WTAP: variants seen among roughly 807,000 people sequenced by gnomAD.
The protein encoded by WTAP is WT1 associated protein, also known as pre-mRNA-splicing regulator WTAP.
WTAP carries 8 observed loss-of-function variants against 50.0 expected under a neutral mutation model. That is an observed-to-expected ratio of 0.16 (90% CI 0.09 to 0.29). The LOEUF (loss-of-function observed/expected upper bound fraction) is 0.29. Among genes scored for constraint, WTAP ranks in the 10% least tolerant of loss-of-function variants. WTAP has a pLI of 1.00. For synonymous variants in WTAP, 194 were observed against 169.0 expected (o/e 1.15, Z -1.15); for missense variants, 295 against 470.7 (o/e 0.63, Z 3.45).
intron 4 of WTAP, 70 bp from the exon 5 acceptor site, chr6:159,743,595 A>G: frequency 2.8e-6 from 4 of 1,421,900 alleles, no homozygotes; most frequent in East Asian, 2.4e-5. Flanking sequence ...CCTAGTTCTT[A>G]TTGTTCTTGA....
intron 5 of WTAP, among the ~76,000 whole-genome samples, chr6:159,744,897 C>A (rs531318798): frequency 1.8e-4 from 28 of 152,314 alleles, no homozygotes; most frequent in Non-Finnish European, 2.9e-4. Context: ...CCAGGCTGGT[C>A]TTGAACTGCT....
At chr6:159,741,904 T>C in intron 3 of WTAP, 184 bp from the exon 4 acceptor site, 1 of 483,944 alleles carries the variant, frequency 2.1e-6, no homozygotes. Flanking sequence ...AGACCCTGTT[T>C]GCGCCACGCT....
chr6:159,741,340 T>C (rs1284655159), intron 3 of WTAP, among the ~76,000 whole-genome samples: 1 of 152,244 alleles, frequency 6.6e-6, no homozygotes, highest in African/African-American at 2.4e-5. Context: ...AAAAATGTTA[T>C]ATTCTCCCCC....
chr6:159,732,812 C>T (rs144125200), intron 1 of WTAP, among the ~76,000 whole-genome samples: 4 of 151,456 alleles, frequency 2.6e-5, no homozygotes, highest in East Asian at 1.9e-4. Flanking sequence ...CAACAGAGAC[C>T]GGGCGCAGGG....
chr6:159,755,765 CTTTTTTT>C lies in WTAP; in HGVS notation c.*173_*179del. On this transcript the variant is annotated 3_prime_UTR_variant, in exon 8 of 8. Transcript: ENST00000621533. The stretch of plus-strand genomic sequence containing the variant: ...TTTTTCTTTGTTTTTTTTTTCTTTT[CTTTTTTT>C]TTTTTTTTTTTTTTTTTTGCTTCAA... 423 of 173,276 alleles carry C rather than the reference CTTTTTTT, an allele frequency of 2.4e-3. 1 individual carries two copies. The highest frequency in any genetic ancestry group is 0.02 in the African/African-American group (231 of 11,434). The allele number at this position is 173,276 out of a possible 1,614,324, so 10.7% of individuals were successfully genotyped here.
At position 159,737,574 on chromosome 6, in the gene WTAP, G is replaced by A. The variant is rs150836030; in HGVS notation, c.30+1279G>A. 5.2e-3 allele frequency among the ~76,000 whole-genome samples: 785 copies of A among 151,958 alleles called. 5 individuals are homozygous for A. Among genetic ancestry groups the A allele is most frequent in the African/African-American group, 0.018 (743 of 41,422 alleles). The stretch of plus-strand genomic sequence containing the variant: ...AGTGGTACAATCTTGGCTCATTGTG[G>A]CCTCATACCCCAGCTTATGCGATCC... On this transcript the variant is annotated intron_variant, in intron 2 of 7. Transcript: ENST00000621533.
At chr6:159,736,399 C>T in intron 2 of WTAP, 104 bp downstream of exon 2, 1 of 929,942 alleles carries the variant, frequency 1.1e-6, no homozygotes, top group African/African-American at 1.7e-5. Context: ...TCGTTGTTTG[C>T]TTATTTTTCA....
Position 159,755,259 on chromosome 6 carries a change from G to A in WTAP, c.839G>A (p.Gly280Asp). ...CGTCTGACAAACGGACCAAGTAATG[G>A]TAGCTCCTCCCGCCAGAGGACGTCT... ...CSRLTNGPSN[G>D]SSSRQRTSGS... The change falls in exon 8 of 8, where the codon GGT (glycine) becomes GAT (aspartate). Residue 280 changes from glycine to aspartate, a missense_variant. Around this residue, in one of 2 missense-constraint regions of WTAP, gnomAD observed 175 missense variants for 183.1 expected, o/e 0.96. Coordinates refer to ENST00000621533, the MANE Select transcript of WTAP (RefSeq NM_001270531.2). The A allele has an allele frequency of 6.2e-7, 1 of 1,614,196 alleles. No individual in the cohort carries two copies. Among genetic ancestry groups the A allele is most frequent in the East Asian group, 2.2e-5 (1 of 44,890 alleles).
In WTAP at chr6:159,736,248, T is replaced by A. The variant is rs2114896772; in HGVS notation, c.-8-10T>A. ...AAATTGAACTTGTTTTCCGCAACTT[T>A]TTTTTTTAGGATTCAAGATGACCAA... On this transcript the variant is annotated splice_polypyrimidine_tract_variant and intron_variant, in intron 1 of 7. Transcript: ENST00000621533. 6.3e-7 allele frequency: 1 copy of A among 1,597,226 alleles called. No homozygotes were observed. Among genetic ancestry groups the A allele is most frequent in the East Asian group, 2.2e-5 (1 of 44,682 alleles).
At chr6:159,740,145 A>G (rs1235983172) in intron 3 of WTAP, among the ~76,000 whole-genome samples, 1 of 151,460 alleles carries the variant, frequency 6.6e-6, no homozygotes, top group Non-Finnish European at 1.5e-5. Context: ...ATGCCTGGCC[A>G]TGATTTTTTT....
chr6:159,732,633 G>A (rs1433812005), intron 1 of WTAP, among the ~76,000 whole-genome samples: 1 of 152,144 alleles, frequency 6.6e-6, no homozygotes, highest in Non-Finnish European at 1.5e-5. Flanking sequence ...TGAGGAGTTC[G>A]AGACCAGCCT....
At chr6:159,728,697 A>C (rs1028965545) in intron 1 of WTAP, among the ~76,000 whole-genome samples, 9 of 152,204 alleles carry the variant, frequency 5.9e-5, no homozygotes, top group African/African-American at 2.2e-4. Flanking sequence ...GATACATTTT[A>C]ATTCATTCAA....
intron 3 of WTAP, among the ~76,000 whole-genome samples, chr6:159,740,556 T>C (rs2114915505): frequency 6.6e-6 from 1 of 152,322 alleles, no homozygotes; most frequent in East Asian, 1.9e-4. Flanking sequence ...ACTGAAGATC[T>C]TTCTCTATAC....
intron 1 of WTAP, among the ~76,000 whole-genome samples, chr6:159,729,636 G>A (rs1323028215): frequency 6.6e-6 from 1 of 152,156 alleles, no homozygotes; most frequent in Non-Finnish European, 1.5e-5. Context: ...TGTGAGACAG[G>A]CAAAATTATC....
intron 7 of WTAP, among the ~76,000 whole-genome samples, chr6:159,754,529 C>T (rs1361051737): frequency 6.6e-6 from 1 of 152,132 alleles, no homozygotes; most frequent in East Asian, 1.9e-4. Context: ...TACAGTTGCC[C>T]TCGGTATCCA....
chr6:159,728,080 A>G (rs912087690), intron 1 of WTAP, among the ~76,000 whole-genome samples: 5 of 152,270 alleles, frequency 3.3e-5, no homozygotes, highest in East Asian at 1.9e-4. Flanking sequence ...GGCGGCACTA[A>G]CGAGTTCAGC....
chr6:159,734,453 A>G (rs1778782865), intron 1 of WTAP, among the ~76,000 whole-genome samples: 1 of 152,146 alleles, frequency 6.6e-6, no homozygotes, highest in Admixed American at 6.5e-5. Flanking sequence ...TATAATAAGT[A>G]TGGGTAATTA....
intron 1 of WTAP, among the ~76,000 whole-genome samples, chr6:159,732,231 A>G (rs1391517511): frequency 6.6e-6 from 1 of 152,216 alleles, no homozygotes; most frequent in Non-Finnish European, 1.5e-5. Flanking sequence ...GACCAACTAT[A>G]ATAACTTTTA....
At chr6:159,751,784 A>G (rs547558498) in intron 6 of WTAP, among the ~76,000 whole-genome samples, 1 of 152,336 alleles carries the variant, frequency 6.6e-6, no homozygotes, top group East Asian at 1.9e-4. Flanking sequence ...ACATGCAGCC[A>G]GGCACGGTGG....
Sources: allele counts gnomAD v4.1 joint callset (sites outside exome capture counted in the v4.1 genomes callset), GRCh38; gene constraint gnomAD v4.1.1; regional missense constraint gnomAD v4.1.1; transcripts MANE v1.5; gene names NCBI Gene and HGNC (gene_info 2026-07-23, HGNC 2026-07-21).